The following LEPR variants were observed in gnomAD, a reference collection of about 807,000 sequenced individuals.
The protein encoded by LEPR is OB receptor.
A neutral mutation model predicts 114.7 loss-of-function variants in LEPR; 56 were observed. The ratio of observed to expected loss-of-function variants is 0.49; its 90% CI spans 0.39 to 0.61. The LOEUF is 0.61. Among genes scored for constraint, LEPR ranks in the 20% least tolerant of loss-of-function variants. The pLI is 0.00. For missense variants in LEPR, 1,202 were observed against 1,352.9 expected, an observed-to-expected ratio of 0.89 and a Z score of 1.75; for synonymous variants, 443 against 461.4, an observed-to-expected ratio of 0.96 and a Z score of 0.51.
At chr1:65,495,693 G>T (rs1023040946) in intron 2 of LEPR, among the ~76,000 whole-genome samples, 2 of 152,072 alleles carry the variant, frequency 1.3e-5, no homozygotes, top group Non-Finnish European at 2.9e-5. Context: ...TGTGGTATAT[G>T]TATACATGAG....
At chr1:65,509,643 G>A (rs1395916709) in intron 2 of LEPR, among the ~76,000 whole-genome samples, 3 of 151,966 alleles carry the variant, frequency 2.0e-5, no homozygotes, top group African/African-American at 7.3e-5. Context: ...TTCTGTGTTG[G>A]GAATATGAGG....
chr1:65,635,582 G>A (rs1658689830), intron 19 of LEPR, among the ~76,000 whole-genome samples: 1 of 151,982 alleles, frequency 6.6e-6, no homozygotes, highest in Admixed American at 6.6e-5. Flanking sequence ...TTTTCAGATA[G>A]TCTCAAGCAG....
At chr1:65,517,328 G>A (rs1649341815) in intron 2 of LEPR, among the ~76,000 whole-genome samples, 1 of 152,218 alleles carries the variant, frequency 6.6e-6, no homozygotes, top group Non-Finnish European at 1.5e-5. Flanking sequence ...AACTGAGCTG[G>A]TGAAAGTCAG....
chr1:65,488,783 C>A (rs1411826269), intron 2 of LEPR, among the ~76,000 whole-genome samples: 2 of 151,898 alleles, frequency 1.3e-5, no homozygotes, highest in Non-Finnish European at 2.9e-5. Context: ...TCCTTCCCAG[C>A]CTCTGCTAAT....
chr1:65,488,210 TTCTCTCTCTCTCTCTC>T lies in LEPR; in HGVS notation c.-21+62836_-21+62851del, dbSNP rs796597694. On this transcript the variant is annotated intron_variant, in intron 2 of 19. Coordinates refer to ENST00000349533, the MANE Select transcript of LEPR (RefSeq NM_002303.6). ...TTTCTTTCTTTCTTTCTTTCTTTCT[TTCTCTCTCTCTCTCTC>T]TCTTTCTTTCTTTCTTTCTTTCTTT... Among the ~76,000 whole-genome samples, 145 of 25,788 alleles carry T rather than the reference TTCTCTCTCTCTCTCTC, an allele frequency of 5.6e-3. 11 individuals carry two copies. Among genetic ancestry groups the T allele is most frequent in the Non-Finnish European group, 7.1e-3 (94 of 13,218 alleles). The allele number at this position is 25,788 out of a possible 152,430, so 16.9% of individuals were successfully genotyped here.
chr1:65,526,264 G>T (rs1001361560), intron 2 of LEPR: 59 of 985,290 alleles, frequency 6.0e-5, no homozygotes, highest in Non-Finnish European at 7.0e-5. Flanking sequence ...TGTAGGGATG[G>T]TTTAGACCTC....
rs1023902892 is a variant in LEPR at position 65,627,469 on chromosome 1, G to A, written c.2673+4488G>A. 3.7e-4 allele frequency among the ~76,000 whole-genome samples: 57 copies of A among 152,074 alleles called. 1 individual carries two copies. Among genetic ancestry groups the A allele is most frequent in the Admixed American group, 3.7e-3 (56 of 15,264 alleles). ...TAATAAGAGACAGATAGTAAGTGTTGGTGAGAATAGAGAGAAATTAGAATT... is the reference window on the plus strand; with the variant it reads ...TAATAAGAGACAGATAGTAAGTGTTAGTGAGAATAGAGAGAAATTAGAATT... On this transcript the variant is annotated intron_variant, in intron 19 of 19. Coordinates refer to ENST00000349533, the MANE Select transcript of LEPR (RefSeq NM_002303.6).
intron 2 of LEPR, among the ~76,000 whole-genome samples, chr1:65,541,450 A>G (rs569968183): frequency 6.6e-6 from 1 of 152,312 alleles, no homozygotes; most frequent in African/African-American, 2.4e-5. Context: ...GAGTAATATC[A>G]GGAATTAAAG....
chr1:65,557,307 A>G (rs1368151447), intron 2 of LEPR, among the ~76,000 whole-genome samples: 1 of 152,230 alleles, frequency 6.6e-6, no homozygotes, highest in Non-Finnish European at 1.5e-5. Flanking sequence ...GTTCATCCTT[A>G]GGAAGTGTCT....
chr1:65,423,210 C>G (rs1448405849), intron 1 of LEPR, among the ~76,000 whole-genome samples: 1 of 152,106 alleles, frequency 6.6e-6, no homozygotes, highest in African/African-American at 2.4e-5. Flanking sequence ...AGGACCTACT[C>G]TGGGCTGGAG....
chr1:65,521,001 A>G (rs949958823), intron 2 of LEPR, among the ~76,000 whole-genome samples: 1 of 152,180 alleles, frequency 6.6e-6, no homozygotes. Context: ...TATCACAAAC[A>G]TGTCACAGTG....
chr1:65,545,630 C>G (rs995122476), intron 2 of LEPR, among the ~76,000 whole-genome samples: 1 of 152,224 alleles, frequency 6.6e-6, no homozygotes, highest in African/African-American at 2.4e-5. Flanking sequence ...TGTTCATATC[C>G]TTTGCCCACT....
At chr1:65,636,015 TA>T (rs1658707353) in intron 19 of LEPR, among the ~76,000 whole-genome samples, 175 bp from the exon 20 acceptor site, 1 of 152,184 alleles carries the variant, frequency 6.6e-6, no homozygotes, top group African/African-American at 2.4e-5. Flanking sequence ...GCTATCATCT[TA>T]AACGGGCTCT....
At chr1:65,434,180 G>A in intron 2 of LEPR, 1 of 983,492 alleles carries the variant, frequency 1.0e-6, no homozygotes, top group Non-Finnish European at 1.2e-6. Context: ...CTCTATGTCT[G>A]AAAAGAGAGC....
chr1:65,491,255 G>A (rs10127731), intron 2 of LEPR, among the ~76,000 whole-genome samples: 86,107 of 151,880 alleles, frequency 0.57, 25,173 homozygotes, highest in Middle Eastern at 0.7. Context: ...TTTGTCATAT[G>A]CTTAAAATCC....
At chr1:65,426,597 A>T (rs1303500353) in intron 2 of LEPR, among the ~76,000 whole-genome samples, 1 of 152,180 alleles carries the variant, frequency 6.6e-6, no homozygotes, top group Non-Finnish European at 1.5e-5. Context: ...AGAGTGAGTT[A>T]GGAAACCAAA....
rs375637482 is a variant in LEPR at position 65,433,094 on chromosome 1, G to A, written c.-21+7716G>A. ...CGAGCCAGCCCCTGCGTTAGCAGGA[G>A]GGGGAGAACAGATAGGTAACTCTTT... On this transcript the variant is annotated intron_variant, in intron 2 of 19. Transcript: ENST00000349533. 2.0e-4 allele frequency: 194 copies of A among 985,386 alleles called. 1 individual carries two copies. The African/African-American group carries it at 2.7e-3, about 14-fold the overall frequency. 61.0% of individuals were successfully genotyped at this position (985,386 alleles called of 1,614,324 possible). A position where few individuals can be genotyped will look rare whatever the true frequency, so the allele number is the denominator to read the frequency against.
At chr1:65,529,527 AAAAG>A (rs1176782415) in intron 2 of LEPR, among the ~76,000 whole-genome samples, 17 of 130,006 alleles carry the variant, frequency 1.3e-4, no homozygotes, top group Admixed American at 1.1e-3. Context: ...CTCAAAAAGA[AAAAG>A]AAAGGAAGGA....
intron 2 of LEPR, among the ~76,000 whole-genome samples, chr1:65,479,501 T>C (rs1647194173): frequency 6.6e-6 from 1 of 152,138 alleles, no homozygotes; most frequent in Non-Finnish European, 1.5e-5. Context: ...GGACATATCA[T>C]GAAGCAATTT....
Sources: allele counts gnomAD v4.1 joint callset (sites outside exome capture counted in the v4.1 genomes callset), GRCh38; gene constraint gnomAD v4.1.1; transcripts MANE v1.5; gene names NCBI Gene and HGNC (gene_info 2026-07-23, HGNC 2026-07-21).